Variants in ATP2B4 observed in about 807,000 individuals in gnomAD.
The protein encoded by ATP2B4 is ATPase plasma membrane Ca2+ transporting 4, also known as plasma membrane calcium-transporting ATPase 4.
In ATP2B4, 39 loss-of-function variants were observed where a neutral mutation model predicts 110.3. The observed-to-expected ratio is 0.35, with a 90% CI of 0.27 to 0.46. The LOEUF is 0.46. Ranked by LOEUF, ATP2B4 falls within the 20% of genes least tolerant of loss-of-function variation. The pLI, the probability that ATP2B4 is intolerant of heterozygous loss-of-function variation, is 1.00. For missense variants in ATP2B4, 1,135 were observed against 1,530.9 expected, an observed-to-expected ratio of 0.74 and a Z score of 4.32; for synonymous variants, 538 against 571.7, an observed-to-expected ratio of 0.94 and a Z score of 0.84.
chr1:203,739,943 C>T lies in ATP2B4; in HGVS notation c.*89C>T. ...AGGTGATGATGGGACTTTTCATTGT[C>T]ACGTCAGCTGCTGTGTTAACAGCAG... On this transcript the variant is annotated 3_prime_UTR_variant, in exon 21 of 21. Transcript: ENST00000357681. The T allele has an allele frequency of 7.4e-7, 1 of 1,345,402 alleles. No homozygotes were observed. The highest frequency in any genetic ancestry group is 1.0e-6 in the Non-Finnish European group (1 of 988,084). The allele number at this position is 1,345,402 out of a possible 1,614,324, so 83.3% of individuals were successfully genotyped here. A position where few individuals can be genotyped will look rare whatever the true frequency, so the allele number is the denominator to read the frequency against.
chr1:203,717,209 G>C lies in ATP2B4; in HGVS notation c.2406+2932G>C, dbSNP rs186817399. On this transcript the variant is annotated intron_variant, in intron 15 of 20. Coordinates refer to ENST00000357681, the MANE Select transcript of ATP2B4 (RefSeq NM_001684.5). ...CTAGACTCCATCTCAAAAAACAAAA[G>C]AGATTCCCCCTCATTGACTATTTGA... Among the ~76,000 whole-genome samples, 711 of 152,164 alleles carry C rather than the reference G, an allele frequency of 4.7e-3. 10 individuals carry two copies. The highest frequency in any genetic ancestry group is 7.0e-3 in the Non-Finnish European group (475 of 67,976).
rs779361178 is a variant in ATP2B4, at chr1:203,682,087, G to A, written c.-464-655G>A. Among the ~76,000 whole-genome samples the A allele has an allele frequency of 3.3e-5, 5 of 152,246 alleles. No individual in the cohort carries two copies. The East Asian group carries it at 5.8e-4, about 18-fold the overall frequency. ...CACCTGCACGGGCTGCAGAATTTCC[G>A]TACACCTGGAGGCTGAGTACTCTAA... On this transcript the variant is annotated intron_variant, in intron 1 of 20. Coordinates refer to ENST00000357681, the MANE Select transcript of ATP2B4 (RefSeq NM_001684.5).
At chr1:203,733,569 C>T in intron 20 of ATP2B4, 2 of 573,996 alleles carry the variant, frequency 3.5e-6, no homozygotes, top group Non-Finnish European at 5.8e-6. Flanking sequence ...AGACTGTGTG[C>T]CCTTGTATTT....
intron 2 of ATP2B4, among the ~76,000 whole-genome samples, chr1:203,695,277 A>G (rs948500145): frequency 6.6e-6 from 1 of 152,324 alleles, no homozygotes; most frequent in South Asian, 2.1e-4. Context: ...CAGCCTTGCC[A>G]TCTCTGGTCC....
rs1416858960 is a variant in ATP2B4, at chr1:203,629,256, G to A, written c.-465+2037G>A. On this transcript the variant is annotated intron_variant, in intron 1 of 20. Transcript: ENST00000357681. The surrounding 1 kb of genome is among the most constrained non-coding windows in gnomAD (Gnocchi z 4.6). ...GCAGGGCCCCCAAGACAGAATTAAT[G>A]CCCGTGTTCTGGAGGGAGGGGATCC... Among the ~76,000 whole-genome samples the A allele has an allele frequency of 6.6e-6, 1 of 152,198 alleles. No homozygotes were observed. Among genetic ancestry groups the A allele is most frequent in the Admixed American group, 6.5e-5 (1 of 15,286 alleles).
Position 203,672,324 on chromosome 1 carries a change from C to CT in ATP2B4, c.-464-10386dup, listed in dbSNP as rs57144862. ...TGTTCCTGAGTAAGTTGCGGTGGCT[C>CT]TTTTTTTTTTTTTTTTTTTTTTTTT... is the stretch of plus-strand genomic sequence containing the variant. On this transcript the variant is annotated intron_variant, in intron 1 of 20. Coordinates refer to ENST00000357681, the MANE Select transcript of ATP2B4 (RefSeq NM_001684.5). 5.2e-3 allele frequency among the ~76,000 whole-genome samples: 416 copies of CT among 79,540 alleles called. 13 individuals carry two copies. The highest frequency in any genetic ancestry group is 0.013 in the African/African-American group (226 of 17,428). 52.2% of individuals were successfully genotyped at this position (79,540 alleles called of 152,430 possible).
At chr1:203,675,611 T>C (rs961113704) in intron 1 of ATP2B4, among the ~76,000 whole-genome samples, 34 of 152,116 alleles carry the variant, frequency 2.2e-4, no homozygotes, top group African/African-American at 8.0e-4. Flanking sequence ...GGGCTACGAG[T>C]GACACGTTTT....
rs377657745 is a variant in ATP2B4, at chr1:203,719,837, C to T, written c.2407-712C>T. Among the ~76,000 whole-genome samples the T allele has an allele frequency of 2.6e-5, 4 of 152,032 alleles. No individual in the cohort carries two copies. In the East Asian group the frequency reaches 7.7e-4, roughly 29 times the overall value. ...TTTCTACCTTTCTTTCTTCACTTAC[C>T]AACATAACTTAGAGATTATTTCATA... On this transcript the variant is annotated intron_variant, in intron 15 of 20. Transcript: ENST00000357681.
chr1:203,668,500 A>G (rs144538171), intron 1 of ATP2B4, among the ~76,000 whole-genome samples: 1 of 152,218 alleles, frequency 6.6e-6, no homozygotes, highest in Non-Finnish European at 1.5e-5. Flanking sequence ...TCCCCCACCT[A>G]GAGTCCTCAG....
chr1:203,687,693 G>A (rs1380944780), intron 2 of ATP2B4, among the ~76,000 whole-genome samples: 1 of 152,112 alleles, frequency 6.6e-6, no homozygotes, highest in African/African-American at 2.4e-5. Flanking sequence ...GGGGCTTATG[G>A]AACTTGAAGT....
rs1166503631 is a variant in ATP2B4, at chr1:203,703,696, A to T, written c.982A>T (p.Ser328Cys). The part of the protein sequence containing the change: ...GVALEIQPLN[S>C]QEGIDNEEKD... ...GGCCCTGGAAATCCAGCCACTCAAC[A>T]GCCAGGAGGGAATCGACAATGAGGA... Residue 328 changes from serine to cysteine, a missense_variant, in exon 8 of 21, where the codon AGC becomes TGC. Coordinates refer to ENST00000357681, the MANE Select transcript of ATP2B4 (RefSeq NM_001684.5). The T allele has an allele frequency of 6.2e-7, 1 of 1,614,200 alleles. No individual in the cohort carries two copies. The highest frequency in any genetic ancestry group is 8.5e-7 in the Non-Finnish European group (1 of 1,180,010).
intron 1 of ATP2B4, among the ~76,000 whole-genome samples, chr1:203,653,974 TATA>T (rs1263797972): frequency 8.1e-5 from 10 of 123,472 alleles, no homozygotes; most frequent in African/African-American, 3.1e-4. Flanking sequence ...TATATATATA[TATA>T]TATATATATT....
chr1:203,700,998 G>A lies in ATP2B4; in HGVS notation c.901+75G>A, dbSNP rs1345690673. 10 of 1,514,900 alleles carry A rather than the reference G, an allele frequency of 6.6e-6. No homozygotes were observed. The African/African-American group carries it at 9.7e-5, about 15-fold the overall frequency. 93.8% of individuals were successfully genotyped at this position (1,514,900 alleles called of 1,614,324 possible). A position where few individuals can be genotyped will look rare whatever the true frequency, so the allele number is the denominator to read the frequency against. The stretch of plus-strand genomic sequence containing the variant: ...AACAAGGAAGCGAGGGAGCAGATCT[G>A]GATAGAAAGCATGGTTGGAAGAATC... On this transcript the variant is annotated intron_variant, in intron 6 of 20. Transcript: ENST00000357681.
intron 2 of ATP2B4, among the ~76,000 whole-genome samples, chr1:203,691,055 G>C (rs1039861352): frequency 1.3e-5 from 2 of 152,166 alleles, no homozygotes; most frequent in Non-Finnish European, 2.9e-5. Flanking sequence ...TCCTTGCCTA[G>C]AGCTGGGCTT....
chr1:203,707,017 A>C lies in ATP2B4; in HGVS notation c.1108A>C (p.Met370Leu). 1 of 1,613,760 alleles carries C rather than the reference A, an allele frequency of 6.2e-7. No individual in the cohort carries two copies. Among genetic ancestry groups the C allele is most frequent in the Non-Finnish European group, 8.5e-7 (1 of 1,179,826 alleles). ...AVQIGKAGLLMSALTVFILIL... is the reference protein window; with the variant it reads ...AVQIGKAGLLLSALTVFILIL... Reference sequence around the variant, plus strand: ...CTTGTTTCTCTGGACAGGTCTGCTCATGTCTGCTCTCACGGTTTTCATCCT... The same window carrying C: ...CTTGTTTCTCTGGACAGGTCTGCTCCTGTCTGCTCTCACGGTTTTCATCCT... The change falls in exon 9 of 21, where the codon ATG (methionine) becomes CTG (leucine). Residue 370 changes from methionine (M) to leucine (L), a missense_variant. By Grantham distance (15) the Met-to-Leu change is conservative. This residue lies in a region of ATP2B4 where 162 missense variants were observed against 210.5 expected (regional missense o/e 0.77). Coordinates refer to ENST00000357681, the MANE Select transcript of ATP2B4 (RefSeq NM_001684.5).
Position 203,682,951 on chromosome 1 carries a change from C to A in ATP2B4, c.-255C>A. 2.5e-6 allele frequency: 1 copy of A among 404,142 alleles called. No individual in the cohort carries two copies. The highest frequency in any genetic ancestry group is 4.5e-6 in the Non-Finnish European group (1 of 221,824). The allele number at this position is 404,142 out of a possible 1,614,324, so 25.0% of individuals were successfully genotyped here. ...CCTGGGGACACCAATCATCGTGACA[C>A]GGAGTCCACCTTCCACTCAGTTCCC... On this transcript the variant is annotated 5_prime_UTR_variant, in exon 2 of 21. Transcript: ENST00000357681.
chr1:203,636,472 T>G (rs778125802), intron 1 of ATP2B4, among the ~76,000 whole-genome samples: 1 of 152,204 alleles, frequency 6.6e-6, no homozygotes, highest in Admixed American at 6.5e-5. Flanking sequence ...CGTAGGCTCA[T>G]GTAGGTGACG....
intron 10 of ATP2B4, 114 bp from the exon 11 acceptor site, chr1:203,709,187 C>T: frequency 7.2e-7 from 1 of 1,396,118 alleles, no homozygotes; most frequent in Non-Finnish European, 9.8e-7. Flanking sequence ...GTTATTTCCC[C>T]TATGAGCTCC....
chr1:203,681,499 G>A (rs1665008793), intron 1 of ATP2B4, among the ~76,000 whole-genome samples: 1 of 152,128 alleles, frequency 6.6e-6, no homozygotes, highest in Admixed American at 6.5e-5. Context: ...AACCGGGGCT[G>A]GGGTCCCATG....
Sources: gnomAD v4.1 joint callset for allele counts (sites outside exome capture counted in the v4.1 genomes callset) on GRCh38, gnomAD v4.1.1 for gene constraint, gnomAD v4.1.1 regional missense constraint, Gnocchi (gnomAD v3.1) non-coding constraint, MANE v1.5 for transcripts, NCBI Gene and HGNC (gene_info 2026-07-23, HGNC 2026-07-21) for gene names.